The following HSD11B2 variants were observed in gnomAD, a reference collection of about 807,000 sequenced individuals.
HSD11B2 encodes hydroxysteroid 11-beta dehydrogenase 2, also known as 11-beta-hydroxysteroid dehydrogenase type 2.
Under a neutral mutation model 20.9 loss-of-function variants are expected in HSD11B2, and 17 were observed. The ratio of observed to expected loss-of-function variants is 0.81; its 90% CI spans 0.56 to 1.22. HSD11B2 has a LOEUF of 1.22. Among genes scored for constraint, HSD11B2 ranks in the 50% most tolerant of loss-of-function variants. The pLI is 0.00. For synonymous variants in HSD11B2, 253 were observed against 255.4 expected (o/e 0.99, Z 0.09); for missense variants, 480 against 563.6 (o/e 0.85, Z 1.50).
At chr16:67,431,686 C>A (rs2040934680) in intron 1 of HSD11B2, among the ~76,000 whole-genome samples, 173 bp downstream of exon 1, 1 of 152,208 alleles carries the variant, frequency 6.6e-6, no homozygotes. Context: ...CCGGGCACCT[C>A]CCCAAGCCCG....
At chr16:67,431,755 G>A (rs2040935270) in intron 1 of HSD11B2, among the ~76,000 whole-genome samples, 1 of 152,202 alleles carries the variant, frequency 6.6e-6, no homozygotes, top group Non-Finnish European at 1.5e-5. Flanking sequence ...GGAGTGGGCC[G>A]GTTCGAGAAG....
Position 67,431,229 on chromosome 16 carries a change from C to A in HSD11B2, c.-20C>A. 3 of 1,189,282 alleles carry A rather than the reference C, an allele frequency of 2.5e-6. No homozygotes were observed. The highest frequency in any genetic ancestry group is 2.1e-6 in the Non-Finnish European group (2 of 958,848). The allele number at this position is 1,189,282 out of a possible 1,614,324, so 73.7% of individuals were successfully genotyped here. A position where few individuals can be genotyped will look rare whatever the true frequency, so the allele number is the denominator to read the frequency against. The stretch of plus-strand genomic sequence containing the variant: ...CCGGCCCGGCCCCCGCCCCGCCCCG[C>A]CCCAGCCCGCTGGGCCGCCATGGAG... On this transcript the variant is annotated 5_prime_UTR_variant, in exon 1 of 5. Transcript: ENST00000326152.
At chr16:67,434,536 C>T (rs960461778) in intron 1 of HSD11B2, among the ~76,000 whole-genome samples, 1 of 152,126 alleles carries the variant, frequency 6.6e-6, no homozygotes, top group Admixed American at 6.5e-5. Flanking sequence ...GACAGGACTA[C>T]AGAAGGGGCT....
At position 67,436,996 on chromosome 16, in the gene HSD11B2, C is replaced by T. The variant is rs757105861; in HGVS notation, c.1211C>T (p.Ala404Val). The T allele has an allele frequency of 3.1e-6, 5 of 1,607,828 alleles. No homozygotes were observed. The highest frequency in any genetic ancestry group is 2.5e-6 in the Non-Finnish European group (3 of 1,179,862). ...AGCCCCGGCCCTTCCCCAGCAGTGG[C>T]TCGGTGAGCCATGTGCACCTATGGC... is the stretch of plus-strand genomic sequence containing the variant. ...NLSPGPSPAV[A>V]R The change falls in exon 5 of 5, where the codon GCT (alanine) becomes GTT (valine). Residue 404 changes from alanine to valine, a missense_variant. Ala to Val is a moderately conservative substitution (Grantham distance 64). Around this residue, in one of 2 missense-constraint regions of HSD11B2, gnomAD observed 374 missense variants for 480.9 expected, o/e 0.78. Coordinates refer to ENST00000326152, the MANE Select transcript of HSD11B2 (RefSeq NM_000196.4). The surrounding 1 kb of genome is among the most constrained non-coding windows in gnomAD (Gnocchi z 5.7).
rs750670606 is a variant in HSD11B2 at position 67,436,226 on chromosome 16, C to G, written c.665-23C>G. On this transcript the variant is annotated intron_variant, in intron 3 of 4. Transcript: ENST00000326152. This position sits in a 1 kb window ranked among gnomAD's most constrained non-coding sequence, Gnocchi z 5.7. ...GGAGCCCCTTGCCAAAGCTGAGCTG[C>G]CCCACTCCCAATCCATCCGCAGGGG... 6.2e-7 allele frequency: 1 copy of G among 1,613,914 alleles called. No homozygotes were observed. Among genetic ancestry groups the G allele is most frequent in the South Asian group, 1.1e-5 (1 of 91,076 alleles).
Position 67,431,212 on chromosome 16 carries a change from G to C in HSD11B2, c.-37G>C. The C allele has an allele frequency of 8.8e-7, 1 of 1,131,530 alleles. No homozygotes were observed. The highest frequency in any genetic ancestry group is 3.8e-5 in the South Asian group (1 of 26,190). 70.1% of individuals were successfully genotyped at this position (1,131,530 alleles called of 1,614,324 possible). On this transcript the variant is annotated 5_prime_UTR_variant, in exon 1 of 5. Transcript: ENST00000326152. ...CTCTCTCTCCCCGCTCCCCGGCCCG[G>C]CCCCCGCCCCGCCCCGCCCCAGCCC...
At chr16:67,433,887 T>G in intron 1 of HSD11B2, among the ~76,000 whole-genome samples, 1 of 139,990 alleles carries the variant, frequency 7.1e-6, no homozygotes, top group African/African-American at 2.7e-5. Flanking sequence ...AGAGCTGCTT[T>G]GCAGCTTCTG....
chr16:67,437,138 T>G lies in HSD11B2; in HGVS notation c.*135T>G. ...CCTAAAGAATCCCACCCCCACTTCA[T>G]GCCCACTGCCGATGCCCAATCCAGG... On this transcript the variant is annotated 3_prime_UTR_variant, in exon 5 of 5. Coordinates refer to ENST00000326152, the MANE Select transcript of HSD11B2 (RefSeq NM_000196.4). 2.1e-6 allele frequency: 2 copies of G among 932,630 alleles called. No homozygotes were observed. The highest frequency in any genetic ancestry group is 1.6e-5 in the African/African-American group (1 of 60,822). The allele number at this position is 932,630 out of a possible 1,614,324, so 57.8% of individuals were successfully genotyped here. A position where few individuals can be genotyped will look rare whatever the true frequency, so the allele number is the denominator to read the frequency against.
Position 67,431,469 on chromosome 16 carries a change from G to A in HSD11B2, c.221G>A (p.Arg74His), listed in dbSNP as rs1168255303. The change falls in exon 1 of 5, where the codon CGC becomes CAC. Residue 74 changes from arginine to histidine, a missense_variant. Arg to His is a conservative substitution (Grantham distance 29). Coordinates refer to ENST00000326152, the MANE Select transcript of HSD11B2 (RefSeq NM_000196.4). ...TGGATCGCGTTGTCCCGCCTGGCGC[G>A]CCCGCAGCGCCTGCCGGTGGCCACT... is the stretch of plus-strand genomic sequence containing the variant. ...AGWIALSRLA[R>H]PQRLPVATRA... is the part of the protein sequence containing the mutation. 4.7e-5 allele frequency: 66 copies of A among 1,391,496 alleles called. No individual in the cohort carries two copies. In the East Asian group the frequency reaches 1.9e-3, roughly 41 times the overall value. 86.2% of individuals were successfully genotyped at this position (1,391,496 alleles called of 1,614,324 possible).
upstream of HSD11B2, among the ~76,000 whole-genome samples, chr16:67,429,905 G>A (rs1449294002): frequency 1.3e-5 from 2 of 152,170 alleles, no homozygotes; most frequent in African/African-American, 4.8e-5. Context: ...AAGAGAGAAT[G>A]AGCAACAGGG....
rs5480 is a variant in HSD11B2 at position 67,436,066 on chromosome 16, G to T, written c.588G>T (p.Ala196=). ...GCATGGAGGTGAATTTCTTTGGCGC[G>T]CTCGAGCTGACCAAGGGCCTCCTGC... ...RSCMEVNFFG[A]LELTKGLLPL... Residue 196 remains alanine, a synonymous_variant, in exon 3 of 5, where the codon GCG becomes GCT. Transcript: ENST00000326152. This position sits in a 1 kb window ranked among gnomAD's most constrained non-coding sequence, Gnocchi z 5.7. 1.2e-6 allele frequency: 2 copies of T among 1,614,014 alleles called. No homozygotes were observed.
chr16:67,434,467 T>C (rs1487896411), intron 1 of HSD11B2, among the ~76,000 whole-genome samples: 1 of 152,172 alleles, frequency 6.6e-6, no homozygotes, highest in Non-Finnish European at 1.5e-5. Context: ...GATATTGTCA[T>C]TTTTGGAAAG....
Position 67,435,567 on chromosome 16 carries a change from G to C in HSD11B2, c.266-61G>C, listed in dbSNP as rs764167132. 20 of 1,354,674 alleles carry C rather than the reference G, an allele frequency of 1.5e-5. No individual in the cohort carries two copies. The Middle Eastern group carries it at 1.8e-3, about 121-fold the overall frequency. 83.9% of individuals were successfully genotyped at this position (1,354,674 alleles called of 1,614,324 possible). A position where few individuals can be genotyped will look rare whatever the true frequency, so the allele number is the denominator to read the frequency against. The stretch of plus-strand genomic sequence containing the variant: ...TCCCATCCAGACCCTGGTGATTCTG[G>C]GGTTGTCTCAGGCTAGGCTGGGCCA... On this transcript the variant is annotated intron_variant, in intron 1 of 4. Coordinates refer to ENST00000326152, the MANE Select transcript of HSD11B2 (RefSeq NM_000196.4).
chr16:67,436,925 GC>G lies in HSD11B2; in HGVS notation c.1142del (p.Pro381LeufsTer15), dbSNP rs1295704073. On this transcript the variant is annotated frameshift_variant, in exon 5 of 5. Transcript: ENST00000326152. LOFTEE classifies it low-confidence loss of function (END_TRUNC). The surrounding 1 kb of genome is among the most constrained non-coding windows in gnomAD (Gnocchi z 5.7). The stretch of plus-strand genomic sequence containing the variant: ...TGCCTCGAGCACTGCAGCCTGGCCA[GC>G]CTGGCACTACCCCACCACAGGACGC... ...CLPRALQPGQ[P>X]GTTPPQDAAQ... The G allele has an allele frequency of 1.9e-6, 3 of 1,612,396 alleles. No homozygotes were observed. In the Admixed American group the frequency reaches 5.0e-5, roughly 27 times the overall value.
At chr16:67,434,353 G>A (rs2142287330) in intron 1 of HSD11B2, among the ~76,000 whole-genome samples, 1 of 152,338 alleles carries the variant, frequency 6.6e-6, no homozygotes, top group East Asian at 1.9e-4. Flanking sequence ...GGGTGTTGAG[G>A]CTGGGAAGGG....
chr16:67,434,645 G>A (rs1422032222), intron 1 of HSD11B2, among the ~76,000 whole-genome samples: 1 of 152,156 alleles, frequency 6.6e-6, no homozygotes, highest in Non-Finnish European at 1.5e-5. Flanking sequence ...CACTTTGAGA[G>A]GCCAAGGTGG....
chr16:67,437,263 G>T lies in HSD11B2; in HGVS notation c.*260G>T. 1.7e-6 allele frequency: 1 copy of T among 579,352 alleles called. No individual in the cohort carries two copies. The highest frequency in any genetic ancestry group is 2.1e-5 in the South Asian group (1 of 47,176). The allele number at this position is 579,352 out of a possible 1,614,324, so 35.9% of individuals were successfully genotyped here. On this transcript the variant is annotated 3_prime_UTR_variant, in exon 5 of 5. Transcript: ENST00000326152. ...ACAACGCTCTACCCTGCAGCTTGGA[G>T]AACTCCGCTGGATGGGGAGTCTCAT... is the stretch of plus-strand genomic sequence containing the variant.
Position 67,436,162 on chromosome 16 carries a change from G to A in HSD11B2, c.664+20G>A, listed in dbSNP as rs752486831. 6.2e-7 allele frequency: 1 copy of A among 1,613,606 alleles called. No individual in the cohort carries two copies. The highest frequency in any genetic ancestry group is 1.1e-5 in the South Asian group (1 of 91,068). On this transcript the variant is annotated intron_variant, in intron 3 of 4. Coordinates refer to ENST00000326152, the MANE Select transcript of HSD11B2 (RefSeq NM_000196.4). This position sits in a 1 kb window ranked among gnomAD's most constrained non-coding sequence, Gnocchi z 5.7. ...CAGCGGGTGAGTGCCCCCCCCCACT[G>A]GAGCAAAAAGGAGCCCCCTGGGGTG...
chr16:67,431,288 C>G lies in HSD11B2; in HGVS notation c.40C>G (p.Leu14Val), dbSNP rs1346185799. 3.2e-6 allele frequency: 4 copies of G among 1,268,768 alleles called. No individual in the cohort carries two copies. The highest frequency in any genetic ancestry group is 2.0e-6 in the Non-Finnish European group (2 of 997,302). The allele number at this position is 1,268,768 out of a possible 1,614,324, so 78.6% of individuals were successfully genotyped here. A position where few individuals can be genotyped will look rare whatever the true frequency, so the allele number is the denominator to read the frequency against. ...TTGGCCGTCGGGCGGCGCCTGGCTG[C>G]TCGTGGCTGCCCGCGCGCTGCTGCA... Reference protein sequence around the residue: ...WPWPSGGAWLLVAARALLQLL... With the variant: ...WPWPSGGAWLVVAARALLQLL... The change falls in exon 1 of 5, where the codon CTC (leucine) becomes GTC (valine). Residue 14 changes from leucine (L) to valine (V), a missense_variant. Transcript: ENST00000326152.
Sources: allele counts gnomAD v4.1 joint callset (sites outside exome capture counted in the v4.1 genomes callset), GRCh38; gene constraint gnomAD v4.1.1; regional missense constraint gnomAD v4.1.1; non-coding constraint Gnocchi (gnomAD v3.1); transcripts MANE v1.5; gene names NCBI Gene and HGNC (gene_info 2026-07-23, HGNC 2026-07-21).